Variants in KCNJ5 observed in about 807,000 individuals in gnomAD.
KCNJ5 encodes G protein-activated inward rectifier potassium channel 4.
A neutral mutation model predicts 20.2 loss-of-function variants in KCNJ5; 12 were observed. The observed-to-expected ratio is 0.59, with a 90% confidence interval of 0.38 to 0.96. The LOEUF (loss-of-function observed/expected upper bound fraction) is 0.96, where lower values mean the gene tolerates loss of function less well. Among genes scored for constraint, KCNJ5 ranks in the 40% least tolerant of loss-of-function variants. The pLI is 0.00. For synonymous variants in KCNJ5, 210 were observed against 213.9 expected (o/e 0.98, Z 0.16); for missense variants, 449 against 557.6 (o/e 0.81, Z 1.96).
intron 1 of KCNJ5, among the ~76,000 whole-genome samples, chr11:128,903,180 A>C (rs529567279): frequency 3.9e-5 from 6 of 152,168 alleles, no homozygotes; most frequent in Non-Finnish European, 8.8e-5. Flanking sequence ...ATGGGTTTGT[A>C]TATGTGCTTT....
At position 128,916,691 on chromosome 11, in the gene KCNJ5, A is replaced by G. The variant is rs745968243; in HGVS notation, c.1220A>G (p.Lys407Arg). 6.2e-6 allele frequency: 10 copies of G among 1,610,296 alleles called. No individual in the cohort carries two copies. In the East Asian group the frequency reaches 1.3e-4, roughly 22 times the overall value. ...EAEQNEEDEP[K>R]GLGGSREARG... ...GAGCAGAATGAAGAAGATGAGCCCA[A>G]GGGGCTGGGTGGGTCCAGGGAGGCC... The change falls in exon 3 of 3, where the codon AAG (lysine) becomes AGG (arginine). Residue 407 changes from lysine to arginine, a missense_variant. Lys to Arg is a conservative substitution (Grantham distance 26). This residue lies in a region of KCNJ5 where 64 missense variants were observed against 51.3 expected (regional missense o/e 1.25). Coordinates refer to ENST00000529694, the MANE Select transcript of KCNJ5 (RefSeq NM_000890.5).
At chr11:128,906,524 C>T (rs1436845489) in intron 1 of KCNJ5, among the ~76,000 whole-genome samples, 2 of 152,132 alleles carry the variant, frequency 1.3e-5, no homozygotes, top group African/African-American at 2.4e-5. Context: ...GAACTCAGGG[C>T]CCCCTTCAAG....
At chr11:128,915,195 A>T (rs1401907500) in intron 2 of KCNJ5, among the ~76,000 whole-genome samples, 1 of 152,176 alleles carries the variant, frequency 6.6e-6, no homozygotes, top group Non-Finnish European at 1.5e-5. Flanking sequence ...CTTTCCTGTG[A>T]CCCTAAGCAC....
intron 1 of KCNJ5, chr11:128,903,222 T>C: frequency 9.6e-7 from 1 of 1,039,272 alleles, no homozygotes; most frequent in Non-Finnish European, 1.4e-6. Flanking sequence ...ACATTTTAAA[T>C]GTTTCTCTAC....
intron 1 of KCNJ5, chr11:128,909,824 A>G (rs1043510903): frequency 1.4e-4 from 22 of 152,252 alleles, no homozygotes; most frequent in Admixed American, 1.3e-3. Flanking sequence ...GGGTTGAAAG[A>G]TAGTATCCCT....
At position 128,911,363 on chromosome 11, in the gene KCNJ5, C is replaced by T. The variant is rs201886526; in HGVS notation, c.90C>T (p.Arg30=). 1.3e-5 allele frequency: 21 copies of T among 1,614,180 alleles called. No individual in the cohort carries two copies. The Middle Eastern group carries it at 4.9e-4, about 38-fold the overall frequency. The change falls in exon 2 of 3, where the codon CGC becomes CGT. Residue 30 remains arginine (R), a synonymous_variant. Coordinates refer to ENST00000529694, the MANE Select transcript of KCNJ5 (RefSeq NM_000890.5). The surrounding 1 kb of genome is among the most constrained non-coding windows in gnomAD (Gnocchi z 6.3). ...WDPKKIPKQA[R]DYVPIATDRT... is the part of the protein sequence containing the mutation. ...CCAAGAAGATTCCAAAACAGGCCCG[C>T]GATTATGTCCCCATTGCCACAGACC...
chr11:128,911,170 C>G lies in KCNJ5; in HGVS notation c.-10-94C>G. The G allele has an allele frequency of 1.0e-6, 1 of 968,474 alleles. No homozygotes were observed. The highest frequency in any genetic ancestry group is 1.6e-6 in the Non-Finnish European group (1 of 613,826). The allele number at this position is 968,474 out of a possible 1,614,324, so 60.0% of individuals were successfully genotyped here. On this transcript the variant is annotated intron_variant, in intron 1 of 2. Coordinates refer to ENST00000529694, the MANE Select transcript of KCNJ5 (RefSeq NM_000890.5). The surrounding 1 kb of genome is among the most constrained non-coding windows in gnomAD (Gnocchi z 6.3). ...TGACCCCTGGATAACAGAAGAGAAG[C>G]CTGGGAGAGCCCCGGGGTGGGGGTG...
intron 2 of KCNJ5, among the ~76,000 whole-genome samples, chr11:128,916,072 CT>C (rs141395329): frequency 0.75 from 98,595 of 132,062 alleles, 36,638 homozygotes; most frequent in African/African-American, 0.82. Flanking sequence ...CCTTTCCTGC[CT>C]TTTTTTCCAT....
rs780462865 is a variant in KCNJ5 at position 128,904,460 on chromosome 11, G to A, written c.-10-6804G>A. The A allele has an allele frequency of 4.3e-6, 7 of 1,613,822 alleles. No individual in the cohort carries two copies. The Admixed American group carries it at 8.3e-5, about 19-fold the overall frequency. On this transcript the variant is annotated intron_variant, in intron 1 of 2. Transcript: ENST00000529694. ...TGGAGTCACCTGGGGCCAGATTCTG[G>A]GACTAGGCATCAGCACGTTGTCCAG...
chr11:128,906,212 A>G (rs539840608), intron 1 of KCNJ5, among the ~76,000 whole-genome samples: 231 of 152,330 alleles, frequency 1.5e-3, no homozygotes, highest in African/African-American at 5.4e-3. Context: ...TTGCAAATAA[A>G]GCAACGGAAG....
At chr11:128,914,643 CAAAGT>C (rs1011548075) in intron 2 of KCNJ5, among the ~76,000 whole-genome samples, 3 of 152,194 alleles carry the variant, frequency 2.0e-5, no homozygotes, top group Non-Finnish European at 4.4e-5. Flanking sequence ...ACCTTGTCAG[CAAAGT>C]GAGGAAAATC....
intron 1 of KCNJ5, chr11:128,904,640 A>G (rs1025819461): frequency 7.0e-6 from 5 of 710,974 alleles, no homozygotes; most frequent in Middle Eastern, 3.4e-4. Context: ...CATTTTAGCC[A>G]GATCCCCAGG....
chr11:128,901,229 T>C (rs957269757), intron 1 of KCNJ5: 19 of 152,396 alleles, frequency 1.2e-4, no homozygotes, highest in African/African-American at 4.6e-4. Flanking sequence ...CAGGTTCTGC[T>C]GCTTGCAAGC....
chr11:128,894,051 C>T (rs752112591), intron 1 of KCNJ5, among the ~76,000 whole-genome samples: 14 of 152,226 alleles, frequency 9.2e-5, no homozygotes, highest in Admixed American at 1.3e-4. Flanking sequence ...AGGGAAGAAA[C>T]GACTAGAATG....
At chr11:128,899,314 G>T (rs1345885700) in intron 1 of KCNJ5, among the ~76,000 whole-genome samples, 1 of 152,208 alleles carries the variant, frequency 6.6e-6, no homozygotes, top group African/African-American at 2.4e-5. Context: ...TTGGGTATAT[G>T]GTACAGCCCC....
Position 128,916,903 on chromosome 11 carries a change from T to G in KCNJ5, c.*172T>G. ...CCCTCACAGCTCCCAGCACAGGGCC[T>G]CCCTGAGCCAGTGGCATCCTGCCTG... On this transcript the variant is annotated 3_prime_UTR_variant, in exon 3 of 3. Coordinates refer to ENST00000529694, the MANE Select transcript of KCNJ5 (RefSeq NM_000890.5). The G allele has an allele frequency of 1.7e-6, 1 of 598,866 alleles. No individual in the cohort carries two copies. Among genetic ancestry groups the G allele is most frequent in the African/African-American group, 1.9e-5 (1 of 53,920 alleles). 37.1% of individuals were successfully genotyped at this position (598,866 alleles called of 1,614,324 possible). A position where few individuals can be genotyped will look rare whatever the true frequency, so the allele number is the denominator to read the frequency against.
chr11:128,893,710 CA>C (rs1944129990), intron 1 of KCNJ5, among the ~76,000 whole-genome samples: 3 of 146,524 alleles, frequency 2.0e-5, no homozygotes, highest in Non-Finnish European at 4.5e-5. Flanking sequence ...GGGGGGGGGT[CA>C]AAGCGAACCT....
chr11:128,900,459 T>G (rs1944256099), intron 1 of KCNJ5: 1 of 152,240 alleles, frequency 6.6e-6, no homozygotes. Context: ...TATTACTTCC[T>G]TAGGCTTGTG....
chr11:128,906,634 G>T (rs957120857), intron 1 of KCNJ5, among the ~76,000 whole-genome samples: 5 of 152,166 alleles, frequency 3.3e-5, no homozygotes, highest in African/African-American at 1.2e-4. Flanking sequence ...AGCTCCCAGA[G>T]GTCACCCACA....
Sources: gnomAD v4.1 joint callset for allele counts (sites outside exome capture counted in the v4.1 genomes callset) on GRCh38, gnomAD v4.1.1 for gene constraint, gnomAD v4.1.1 regional missense constraint, Gnocchi (gnomAD v3.1) non-coding constraint, MANE v1.5 for transcripts, NCBI Gene and HGNC (gene_info 2026-07-23, HGNC 2026-07-21) for gene names.